Variants in NHSL1 observed in about 807,000 individuals in gnomAD.
The protein encoded by NHSL1 is NHS-like protein 1.
Under a neutral mutation model 95.0 loss-of-function variants are expected in NHSL1, and 48 were observed. The ratio of observed to expected loss-of-function variants is 0.51; its 90% CI spans 0.40 to 0.64. NHSL1 has a LOEUF of 0.64. NHSL1 is among the 30% of genes least tolerant of loss of function. The probability of loss-of-function intolerance (pLI) is 0.00; values close to 1 mark genes in which losing one functional copy is unlikely to be tolerated. For missense variants in NHSL1, 1,971 were observed against 2,077.7 expected (o/e 0.95, Z 1.00); for synonymous variants, 783 against 833.9 (o/e 0.94, Z 1.05).
At chr6:138,514,430 G>A (rs1435882858) in intron 1 of NHSL1, among the ~76,000 whole-genome samples, 1 of 152,128 alleles carries the variant, frequency 6.6e-6, no homozygotes, top group Non-Finnish European at 1.5e-5. Flanking sequence ...TCCAGTGGAT[G>A]CCTAAAACCA....
intron 1 of NHSL1, among the ~76,000 whole-genome samples, chr6:138,566,308 G>A (rs1373253615): frequency 1.3e-5 from 2 of 151,964 alleles, no homozygotes; most frequent in Non-Finnish European, 2.9e-5. Context: ...TGAGGCAGGA[G>A]AATAACTAGA....
intron 4 of NHSL1, chr6:138,446,692 G>T: frequency 3.9e-6 from 1 of 257,988 alleles, no homozygotes; most frequent in East Asian, 8.0e-5. Context: ...TTTACAAGAT[G>T]TTTCCATATA....
At chr6:138,478,639 A>G (rs371494416) in intron 2 of NHSL1, among the ~76,000 whole-genome samples, 1 of 152,260 alleles carries the variant, frequency 6.6e-6, no homozygotes, top group East Asian at 1.9e-4. Flanking sequence ...TGCAAAGCAG[A>G]GCATAATTTA....
chr6:138,431,546 A>T lies in NHSL1; in HGVS notation c.2799T>A (p.Pro933=). ...AAGGGAATGGAGGAGAGGGAACAGG[A>T]GGAGGAGGAGGAGCCGGGGGAGAGC... ...AVGSPPAPPP[P]PVPSPPFPCP... is the part of the protein sequence containing the mutation. Residue 933 remains proline (P), a synonymous_variant, in exon 6 of 8, where the codon CCT becomes CCA. Coordinates refer to ENST00000343505, the MANE Select transcript of NHSL1 (RefSeq NM_001144060.2). The surrounding 1 kb of genome is among the most constrained non-coding windows in gnomAD (Gnocchi z 4.0). The T allele has an allele frequency of 1.3e-6, 2 of 1,550,638 alleles. No individual in the cohort carries two copies. Among genetic ancestry groups the T allele is most frequent in the Non-Finnish European group, 1.7e-6 (2 of 1,146,378 alleles).
At chr6:138,455,038 TG>T (rs1777491647) in intron 3 of NHSL1, among the ~76,000 whole-genome samples, 1 of 152,210 alleles carries the variant, frequency 6.6e-6, no homozygotes, top group Admixed American at 6.5e-5. Context: ...AATGGGTCAT[TG>T]GAGACATTCT....
chr6:138,654,032 G>C (rs1210704262), intron 1 of NHSL1, among the ~76,000 whole-genome samples: 1 of 152,198 alleles, frequency 6.6e-6, no homozygotes, highest in East Asian at 1.9e-4. Flanking sequence ...ATGAGGATCA[G>C]TGTGACACCC....
chr6:138,691,815 A>G (rs1163539978), intron 1 of NHSL1: 1 of 441,278 alleles, frequency 2.3e-6, no homozygotes, highest in African/African-American at 2.0e-5. Flanking sequence ...AGGAAGCCGG[A>G]CAAAGATGAA....
intron 1 of NHSL1, among the ~76,000 whole-genome samples, chr6:138,543,018 C>G (rs1248284187): frequency 6.6e-6 from 1 of 152,132 alleles, no homozygotes; most frequent in Non-Finnish European, 1.5e-5. Context: ...CTCTCCGCGG[C>G]CTTCTAAAGC....
At chr6:138,660,960 C>A (rs767361622) in intron 1 of NHSL1, among the ~76,000 whole-genome samples, 1 of 152,138 alleles carries the variant, frequency 6.6e-6, no homozygotes, top group Admixed American at 6.5e-5. Context: ...GGCGTGGTGG[C>A]GCACGCCTGT....
At chr6:138,473,216 C>A (rs1488480360) in intron 3 of NHSL1, 90 bp downstream of exon 3, 9 of 1,131,150 alleles carry the variant, frequency 8.0e-6, no homozygotes, top group Non-Finnish European at 9.3e-6. Flanking sequence ...AAAATACAGG[C>A]TCAATTTTGA....
intron 1 of NHSL1, among the ~76,000 whole-genome samples, chr6:138,679,252 G>C (rs542133455): frequency 6.6e-6 from 1 of 152,246 alleles, no homozygotes; most frequent in African/African-American, 2.4e-5. Flanking sequence ...TTTGGTGAAG[G>C]GGAAAGGGAA....
chr6:138,424,629 T>C lies in NHSL1; in HGVS notation c.4273A>G (p.Lys1425Glu). ...CTGGTGTCTGAACGACTGCCCTTTT[T>C]CAGCAGCAGAGCTTTGAAGTTGTCA... ...SSDNFKALLLKKGSRSDTSAR... is the reference protein window; with the variant it reads ...SSDNFKALLLEKGSRSDTSAR... Residue 1425 changes from lysine to glutamate, a missense_variant, in exon 8 of 8, where the codon AAA becomes GAA. Lys to Glu is a moderately conservative substitution (Grantham distance 56). Coordinates refer to ENST00000343505, the MANE Select transcript of NHSL1 (RefSeq NM_001144060.2). This position sits in a 1 kb window ranked among gnomAD's most constrained non-coding sequence, Gnocchi z 5.9. 2 of 1,551,586 alleles carry C rather than the reference T, an allele frequency of 1.3e-6. No homozygotes were observed. Among genetic ancestry groups the C allele is most frequent in the East Asian group, 2.4e-5 (1 of 40,888 alleles).
At chr6:138,537,557 A>G (rs1782407982) in intron 1 of NHSL1, among the ~76,000 whole-genome samples, 2 of 151,124 alleles carry the variant, frequency 1.3e-5, no homozygotes, top group Admixed American at 6.6e-5. Flanking sequence ...ACATCACTAT[A>G]TATTACAGAG....
chr6:138,691,183 T>C lies in NHSL1; in HGVS notation c.96+1293A>G, dbSNP rs867574103. Among the ~76,000 whole-genome samples, 31 of 152,352 alleles carry C rather than the reference T, an allele frequency of 2.0e-4. 1 individual carries two copies. The Middle Eastern group carries it at 0.01, about 50-fold the overall frequency. On this transcript the variant is annotated intron_variant, in intron 1 of 3. Transcript: ENST00000491526. Reference sequence around the variant, plus strand: ...CTCACATTAAGTAGATATATTCTGATTATGTCAACAACCTTATGAGATCAC... The same window carrying C: ...CTCACATTAAGTAGATATATTCTGACTATGTCAACAACCTTATGAGATCAC...
intron 1 of NHSL1, among the ~76,000 whole-genome samples, chr6:138,647,602 C>CTTTTT (rs368149578): frequency 7.3e-6 from 1 of 136,230 alleles, no homozygotes; most frequent in African/African-American, 2.7e-5. Context: ...ATATTTCTCA[C>CTTTTT]TTTTTTTTTT....
At chr6:138,636,789 C>T (rs375728586) in intron 1 of NHSL1, among the ~76,000 whole-genome samples, 1 of 152,098 alleles carries the variant, frequency 6.6e-6, no homozygotes, top group African/African-American at 2.4e-5. Flanking sequence ...AAATATTCCA[C>T]GTTCATGGAT....
At chr6:138,506,631 T>C (rs1259712217) in intron 1 of NHSL1, among the ~76,000 whole-genome samples, 3 of 152,224 alleles carry the variant, frequency 2.0e-5, no homozygotes, top group African/African-American at 7.2e-5. Flanking sequence ...CATCTTGTAT[T>C]TGGTTAATCT....
At chr6:138,684,848 C>T (rs1398286028) in intron 1 of NHSL1, among the ~76,000 whole-genome samples, 1 of 152,206 alleles carries the variant, frequency 6.6e-6, no homozygotes, top group Non-Finnish European at 1.5e-5. Context: ...TGCATCTGAA[C>T]TTCAGTTCCT....
rs148367183 is a variant in NHSL1 at position 138,429,779 on chromosome 6, G to A, written c.4017C>T (p.Asp1339=). Residue 1339 remains aspartate (D), a synonymous_variant, in exon 7 of 8, where the codon GAC becomes GAT. Transcript: ENST00000343505. The stretch of plus-strand genomic sequence containing the variant: ...TGGGGGTCATTACCTCATCATTCCC[G>A]TCTTCCTTGAGGAAGTCACAGGCCT... ...SSEACDFLKE[D]GNDEVMTPSR... is the part of the protein sequence containing the mutation. 1.1e-4 allele frequency: 163 copies of A among 1,551,660 alleles called. 3 individuals carry two copies. In the East Asian group the frequency reaches 1.4e-3, roughly 13 times the overall value.
Sources: gnomAD v4.1 joint callset for allele counts (sites outside exome capture counted in the v4.1 genomes callset) on GRCh38, gnomAD v4.1.1 for gene constraint, Gnocchi (gnomAD v3.1) non-coding constraint, MANE v1.5 for transcripts, NCBI Gene and HGNC (gene_info 2026-07-23, HGNC 2026-07-21) for gene names.